Variants in PHF14 observed in about 807,000 individuals in gnomAD.
PHF14 encodes PHD finger protein 14.
In PHF14, 55 loss-of-function variants were observed where a neutral mutation model predicts 117.9. The observed-to-expected ratio is 0.47, with a 90% CI of 0.38 to 0.58. PHF14 has a LOEUF of 0.58. Ranked by LOEUF, PHF14 falls within the 20% of genes least tolerant of loss-of-function variation. The pLI, the probability that PHF14 is intolerant of heterozygous loss-of-function variation, is 0.00. For missense variants in PHF14, 978 were observed against 1,122.2 expected (o/e 0.87, Z 1.84); for synonymous variants, 409 against 368.6 (o/e 1.11, Z -1.26).
intron 13 of PHF14, among the ~76,000 whole-genome samples, chr7:11,050,103 A>G (rs1160515448): frequency 1.3e-5 from 2 of 152,192 alleles, no homozygotes; most frequent in Non-Finnish European, 2.9e-5. Flanking sequence ...AACAAAACAA[A>G]TGGTACTTGG....
intron 14 of PHF14, among the ~76,000 whole-genome samples, chr7:11,060,073 C>G (rs1048016202): frequency 6.6e-6 from 1 of 152,064 alleles, no homozygotes; most frequent in African/African-American, 2.4e-5. Context: ...GATAAGGTCT[C>G]TCTGTGTTGC....
intron 17 of PHF14, among the ~76,000 whole-genome samples, chr7:11,124,228 A>G (rs765001238): frequency 6.6e-6 from 1 of 152,232 alleles, no homozygotes; most frequent in South Asian, 2.1e-4. Context: ...AAGATACTAC[A>G]TTTCTGCTCA....
At position 11,145,758 on chromosome 7, in the gene PHF14, A is replaced by C. The variant is rs112408206; in HGVS notation, c.2773-23658A>C. 6.3e-3 allele frequency among the ~76,000 whole-genome samples: 966 copies of C among 152,208 alleles called. 10 individuals carry two copies. The highest frequency in any genetic ancestry group is 0.022 in the African/African-American group (926 of 41,574). On this transcript the variant is annotated intron_variant, in intron 17 of 17. Coordinates refer to ENST00000634607, the MANE Select transcript of PHF14 (RefSeq NM_001007157.2). The stretch of plus-strand genomic sequence containing the variant: ...AGTAACATGCATTATAGATACATGG[A>C]ATATTATTATCTTATTTTATTAAAA...
intron 9 of PHF14, 36 bp from the exon 10 acceptor site, chr7:11,036,949 C>A: frequency 7.4e-7 from 1 of 1,360,502 alleles, no homozygotes; most frequent in Non-Finnish European, 1.0e-6. Context: ...GTTTTTACTT[C>A]CTACTAAAGT....
At chr7:11,068,689 A>G (rs1444822313) in intron 16 of PHF14, among the ~76,000 whole-genome samples, 2 of 152,186 alleles carry the variant, frequency 1.3e-5, no homozygotes, top group African/African-American at 4.8e-5. Flanking sequence ...AATGCTATGT[A>G]TATTTTACCA....
chr7:11,090,360 C>T (rs1039000228), intron 16 of PHF14, among the ~76,000 whole-genome samples: 1 of 152,174 alleles, frequency 6.6e-6, no homozygotes, highest in Non-Finnish European at 1.5e-5. Context: ...AGGACTAAAT[C>T]AATGGGATTC....
intron 16 of PHF14, among the ~76,000 whole-genome samples, chr7:11,074,649 A>G (rs73063455): frequency 0.011 from 1,697 of 152,276 alleles, 21 homozygotes; most frequent in Non-Finnish European, 0.019. Context: ...CTTAAGTTCA[A>G]ACTTCCATAG....
intron 13 of PHF14, among the ~76,000 whole-genome samples, chr7:11,047,997 A>C (rs1784733091): frequency 6.6e-6 from 1 of 151,934 alleles, no homozygotes; most frequent in Non-Finnish European, 1.5e-5. Flanking sequence ...TGGTATTTCA[A>C]CATGAAAGTT....
chr7:11,166,351 T>C (rs536953696), intron 17 of PHF14, among the ~76,000 whole-genome samples: 68 of 152,106 alleles, frequency 4.5e-4, no homozygotes, highest in African/African-American at 1.6e-3. Flanking sequence ...CCCTCCTGTA[T>C]ATCAGAAGAA....
chr7:11,072,503 C>T (rs1051464647), intron 16 of PHF14, among the ~76,000 whole-genome samples: 1 of 152,104 alleles, frequency 6.6e-6, no homozygotes, highest in Non-Finnish European at 1.5e-5. Context: ...CTGTGTTTTA[C>T]CTTCATTATC....
chr7:11,012,703 T>G (rs891319407), intron 4 of PHF14, among the ~76,000 whole-genome samples: 1 of 152,226 alleles, frequency 6.6e-6, no homozygotes, highest in Admixed American at 6.5e-5. Flanking sequence ...ATTAGCTGCC[T>G]AAATAATATG....
intron 16 of PHF14, among the ~76,000 whole-genome samples, chr7:11,079,752 A>G (rs1179122887): frequency 6.6e-6 from 1 of 152,138 alleles, no homozygotes; most frequent in South Asian, 2.1e-4. Flanking sequence ...TAACTGTGAT[A>G]TACAAAATCA....
chr7:11,037,637 G>C (rs9986755), intron 10 of PHF14, among the ~76,000 whole-genome samples: 88,918 of 152,016 alleles, frequency 0.58, 27,860 homozygotes, highest in East Asian at 0.85. Context: ...CCTCTTCATC[G>C]TAATGAGAAA....
chr7:10,993,152 C>T (rs1782520603), intron 4 of PHF14, among the ~76,000 whole-genome samples: 1 of 152,166 alleles, frequency 6.6e-6, no homozygotes. Context: ...ATATTTTGAT[C>T]ACTTGGTTGA....
At chr7:11,071,827 T>A (rs1785622476) in intron 16 of PHF14, among the ~76,000 whole-genome samples, 3 of 152,238 alleles carry the variant, frequency 2.0e-5, no homozygotes. Flanking sequence ...TAAAGAAGTG[T>A]TAAAGTGACT....
intron 16 of PHF14, chr7:11,106,083 G>A: frequency 4.1e-6 from 4 of 984,224 alleles, no homozygotes; most frequent in Non-Finnish European, 4.8e-6. Flanking sequence ...ATGCTGTGAA[G>A]AGTTGCTTGA....
At chr7:10,999,619 G>A (rs1347369656) in intron 4 of PHF14, among the ~76,000 whole-genome samples, 3 of 152,134 alleles carry the variant, frequency 2.0e-5, no homozygotes, top group African/African-American at 4.8e-5. Context: ...ATAGATTTCT[G>A]TAAGGGCACA....
chr7:11,074,399 G>A (rs1463353447), intron 16 of PHF14, among the ~76,000 whole-genome samples: 2 of 151,598 alleles, frequency 1.3e-5, no homozygotes, highest in Non-Finnish European at 2.9e-5. Flanking sequence ...TTTAGTAGAG[G>A]CAGGGTTTCG....
Position 10,974,227 on chromosome 7 carries a change from AC to A in PHF14, c.-96del. 1.9e-6 allele frequency: 2 copies of A among 1,044,434 alleles called. No individual in the cohort carries two copies. Among genetic ancestry groups the A allele is most frequent in the Non-Finnish European group, 2.9e-6 (2 of 692,074 alleles). 64.7% of individuals were successfully genotyped at this position (1,044,434 alleles called of 1,614,324 possible). A position where few individuals can be genotyped will look rare whatever the true frequency, so the allele number is the denominator to read the frequency against. ...GCCGGTTTTAAATAGCATCTTTCGG[AC>A]TTGTCTTCGCGGCCCCAGTCCCCGA... On this transcript the variant is annotated 5_prime_UTR_variant, in exon 1 of 18. Transcript: ENST00000634607.
Sources: allele counts gnomAD v4.1 joint callset (sites outside exome capture counted in the v4.1 genomes callset), GRCh38; gene constraint gnomAD v4.1.1; transcripts MANE v1.5; gene names NCBI Gene and HGNC (gene_info 2026-07-23, HGNC 2026-07-21).